The following SPATA6L variants were observed in gnomAD, a reference collection of about 807,000 sequenced individuals.
SPATA6L encodes the protein spermatogenesis associated 6-like protein.
SPATA6L carries 68 observed loss-of-function variants against 49.2 expected under a neutral mutation model. The observed-to-expected ratio is 1.38, with a 90% CI of 1.14 to 1.69. The LOEUF (loss-of-function observed/expected upper bound fraction) is 1.69, where lower values mean the gene tolerates loss of function less well. Ranked by LOEUF, SPATA6L falls within the 40% of genes most tolerant of loss-of-function variation. SPATA6L has a pLI of 0.00. For synonymous variants in SPATA6L, 198 were observed against 165.7 expected, an observed-to-expected ratio of 1.19 and a Z score of -1.50; for missense variants, 668 against 464.3, an observed-to-expected ratio of 1.44 and a Z score of -4.03.
At position 4,666,262 on chromosome 9, in the gene SPATA6L, T is replaced by G. The variant is rs760404612; in HGVS notation, c.-12A>C. Reference sequence around the variant, plus strand: ...ACCTCCAGAGGCATCGTTCCCTGCGTGGGCGAAAGGACTGGAATGAGAAGA... The same window carrying G: ...ACCTCCAGAGGCATCGTTCCCTGCGGGGGCGAAAGGACTGGAATGAGAAGA... On this transcript the variant is annotated 5_prime_UTR_variant, in exon 1 of 12. Transcript: ENST00000682582. The G allele has an allele frequency of 6.2e-7, 1 of 1,614,168 alleles. No individual in the cohort carries two copies. The highest frequency in any genetic ancestry group is 8.5e-7 in the Non-Finnish European group (1 of 1,180,032).
At chr9:4,648,626 G>A (rs1019160242) in intron 3 of SPATA6L, among the ~76,000 whole-genome samples, 2 of 151,856 alleles carry the variant, frequency 1.3e-5, no homozygotes, top group East Asian at 3.9e-4. Context: ...CGTGAACCCG[G>A]GAGGCAGAGC....
At chr9:4,632,369 G>T (rs1039517924) in intron 4 of SPATA6L, among the ~76,000 whole-genome samples, 6 of 151,984 alleles carry the variant, frequency 3.9e-5, no homozygotes, top group African/African-American at 1.5e-4. Flanking sequence ...GCCGAGGCAG[G>T]AGAATCACCT....
At chr9:4,630,643 T>C (rs1377382880) in intron 4 of SPATA6L, among the ~76,000 whole-genome samples, 1 of 152,230 alleles carries the variant, frequency 6.6e-6, no homozygotes, top group African/African-American at 2.4e-5. Context: ...GTCTCTAATA[T>C]TTCATTTTCA....
In SPATA6L at chr9:4,662,205, A is replaced by C; in HGVS notation, c.40-169T>G. 1 of 1,435,746 alleles carries C rather than the reference A, an allele frequency of 7.0e-7. No homozygotes were observed. The allele number at this position is 1,435,746 out of a possible 1,614,324, so 88.9% of individuals were successfully genotyped here. On this transcript the variant is annotated intron_variant, in intron 1 of 11. Coordinates refer to ENST00000682582, the MANE Select transcript of SPATA6L (RefSeq NM_001353486.2). The surrounding 1 kb of genome is among the most constrained non-coding windows in gnomAD (Gnocchi z 4.9). ...CAACATCCTCCCCTCTGCTCTCCTC[A>C]CATTGGAAATTCCAACTCCCTCCCA...
intron 4 of SPATA6L, among the ~76,000 whole-genome samples, chr9:4,629,430 C>T (rs1163415773): frequency 6.6e-6 from 1 of 152,000 alleles, no homozygotes; most frequent in Non-Finnish European, 1.5e-5. Flanking sequence ...ATAATAGTAT[C>T]TCCTCAACTA....
intron 9 of SPATA6L, among the ~76,000 whole-genome samples, chr9:4,609,480 G>A (rs1206118112): frequency 6.6e-6 from 1 of 152,262 alleles, no homozygotes; most frequent in African/African-American, 2.4e-5. Context: ...GGGATGCAAG[G>A]CTAGTTCAAT....
intron 6 of SPATA6L, among the ~76,000 whole-genome samples, chr9:4,623,748 T>A (rs990814709): frequency 2.4e-4 from 36 of 152,208 alleles, no homozygotes; most frequent in Middle Eastern, 3.2e-3. Context: ...TCTATCAAGA[T>A]TTTAAGATTA....
At chr9:4,651,409 C>T (rs1183325802) in intron 3 of SPATA6L, among the ~76,000 whole-genome samples, 1 of 152,178 alleles carries the variant, frequency 6.6e-6, no homozygotes, top group Non-Finnish European at 1.5e-5. Context: ...GATGGCTTCA[C>T]TGGTAAATAC....
intron 3 of SPATA6L, among the ~76,000 whole-genome samples, chr9:4,649,545 G>T (rs775604202): frequency 6.6e-6 from 1 of 152,168 alleles, no homozygotes; most frequent in Non-Finnish European, 1.5e-5. Context: ...TGTGGACAAG[G>T]TCACACTGGC....
chr9:4,618,667 A>T (rs1828571139), intron 8 of SPATA6L, among the ~76,000 whole-genome samples, 197 bp downstream of exon 8: 1 of 152,210 alleles, frequency 6.6e-6, no homozygotes, highest in African/African-American at 2.4e-5. Flanking sequence ...TCCTACTTAT[A>T]TGAGGGGCAC....
chr9:4,646,487 C>G (rs1189089548), intron 3 of SPATA6L: 12 of 1,517,362 alleles, frequency 7.9e-6, no homozygotes, highest in Non-Finnish European at 1.1e-5. Context: ...GCCACATTAC[C>G]TGGAGGAACT....
At chr9:4,592,420 T>C (rs1314227550) in intron 13 of SPATA6L, among the ~76,000 whole-genome samples, 1 of 152,146 alleles carries the variant, frequency 6.6e-6, no homozygotes, top group Non-Finnish European at 1.5e-5. Context: ...CACTTAAATA[T>C]GAACTCATTT....
intron 8 of SPATA6L, 59 bp from the exon 9 acceptor site, chr9:4,618,169 C>T (rs1587095693): frequency 2.7e-6 from 4 of 1,477,770 alleles, no homozygotes. Flanking sequence ...TAATTTAGAG[C>T]TGGGGGTGGG....
intron 13 of SPATA6L, among the ~76,000 whole-genome samples, chr9:4,591,529 G>C (rs1265141504): frequency 6.6e-6 from 1 of 152,206 alleles, no homozygotes. Flanking sequence ...GAGGGACACT[G>C]GCTGATCCAT....
intron 9 of SPATA6L, among the ~76,000 whole-genome samples, chr9:4,616,256 G>A (rs1379539477): frequency 6.6e-6 from 1 of 151,918 alleles, no homozygotes; most frequent in Admixed American, 6.6e-5. Context: ...CAGCCTGGGT[G>A]ACAAAGCAAG....
At position 4,666,211 on chromosome 9, in the gene SPATA6L, C is replaced by A; in HGVS notation, c.39+1G>T. 1 of 1,614,100 alleles carries A rather than the reference C, an allele frequency of 6.2e-7. No homozygotes were observed. Among genetic ancestry groups the A allele is most frequent in the Non-Finnish European group, 8.5e-7 (1 of 1,179,988 alleles). On this transcript the variant is annotated splice_donor_variant, in intron 1 of 11. Coordinates refer to ENST00000682582, the MANE Select transcript of SPATA6L (RefSeq NM_001353486.2). LOFTEE classifies it high-confidence loss of function. ...GGAGGGGGAGTTCATCGATCTCTTA[C>A]CGCCCGGATCTGCAGCTCCACCACC...
At chr9:4,656,400 C>T (rs1838196152) in intron 2 of SPATA6L, among the ~76,000 whole-genome samples, 1 of 147,916 alleles carries the variant, frequency 6.8e-6, no homozygotes, top group Non-Finnish European at 1.5e-5. Context: ...GATGGCATCA[C>T]CACATTCCAG....
At chr9:4,627,937 T>C (rs535315331) in intron 5 of SPATA6L, 331 of 620,568 alleles carry the variant, frequency 5.3e-4, no homozygotes, top group Non-Finnish European at 7.4e-4. Context: ...CATTATTTTT[T>C]ATGTCTTGCA....
intron 2 of SPATA6L, among the ~76,000 whole-genome samples, chr9:4,656,961 GGAAA>G (rs1006463427): frequency 4.6e-5 from 7 of 152,060 alleles, no homozygotes; most frequent in East Asian, 1.9e-4. Context: ...CATAGAATAA[GGAAA>G]GAAAGAGAGA....
Sources: gnomAD v4.1 joint callset for allele counts (sites outside exome capture counted in the v4.1 genomes callset) on GRCh38, gnomAD v4.1.1 for gene constraint, Gnocchi (gnomAD v3.1) non-coding constraint, MANE v1.5 for transcripts, NCBI Gene and HGNC (gene_info 2026-07-23, HGNC 2026-07-21) for gene names.